Variants in SAGE1 observed in about 807,000 individuals in gnomAD.
SAGE1 encodes the protein cancer/testis antigen 14.
A neutral mutation model predicts 55.4 loss-of-function variants in SAGE1; 55 were observed. The observed-to-expected ratio is 0.99, with a 90% CI of 0.80 to 1.24. SAGE1 has a LOEUF of 1.24. Among genes scored for constraint, SAGE1 ranks in the 50% most tolerant of loss-of-function variants. SAGE1 has a pLI of 0.00. For synonymous variants in SAGE1, 240 were observed against 244.3 expected (o/e 0.98, Z 0.17); for missense variants, 710 against 704.4 (o/e 1.01, Z -0.09).
At chrX:135,896,174 A>G (rs1427785801) in intron 1 of SAGE1, 69 bp from the exon 2 acceptor site, 105 of 756,124 alleles carry the variant, frequency 1.4e-4, no homozygotes, top group Non-Finnish European at 2.0e-4. Context: ...TTTATGTGCC[A>G]GTTACGTTCC....
At chrX:135,906,309 C>A in intron 6 of SAGE1, 102 bp from the exon 7 acceptor site, 1 of 1,093,111 alleles carries the variant, frequency 9.1e-7, no homozygotes, top group East Asian at 3.0e-5. Flanking sequence ...TATCCTACTG[C>A]TTTATGAAAT....
chrX:135,894,448 A>C (rs782301437), intron 1 of SAGE1, among the ~76,000 whole-genome samples: 25 of 112,349 alleles, frequency 2.2e-4, no homozygotes, highest in Middle Eastern at 4.6e-3. Context: ...TGTTGGCGTA[A>C]AGTTGTTCAT....
At chrX:135,903,638 A>G (rs1556598269) in intron 3 of SAGE1, among the ~76,000 whole-genome samples, 1 of 112,501 alleles carries the variant, frequency 8.9e-6, no homozygotes, top group African/African-American at 3.2e-5. Context: ...GTTCAACTCC[A>G]ATAGCCACGT....
At chrX:135,903,807 A>C (rs1396290309) in intron 3 of SAGE1, among the ~76,000 whole-genome samples, 1 of 111,252 alleles carries the variant, frequency 9.0e-6, no homozygotes, top group Non-Finnish European at 1.9e-5. Flanking sequence ...CAGCAAGATG[A>C]TACAAAATGA....
At chrX:135,898,937 GTAGGCTGTC>G (rs2088628783) in intron 2 of SAGE1, among the ~76,000 whole-genome samples, 1 of 112,053 alleles carries the variant, frequency 8.9e-6, no homozygotes, top group Non-Finnish European at 1.9e-5. Context: ...CTCCCATTCT[GTAGGCTGTC>G]TATTCACTCT....
At chrX:135,905,660 T>C (rs5975630) in intron 5 of SAGE1, among the ~76,000 whole-genome samples, 23,776 of 110,387 alleles carry the variant, frequency 0.22, 2,030 homozygotes, top group Non-Finnish European at 0.26. Flanking sequence ...GTTACTCACA[T>C]TATCTGTGAA....
chrX:135,898,223 G>A (rs2088617271), intron 2 of SAGE1, among the ~76,000 whole-genome samples: 1 of 110,470 alleles, frequency 9.1e-6, no homozygotes, highest in Admixed American at 9.6e-5. Context: ...GTTTCACCGT[G>A]TTAGCCAGGA....
chrX:135,908,478 T>C lies in SAGE1; in HGVS notation c.1302T>C (p.Tyr434=), dbSNP rs781912838. ...TCGACCTCTTTATTTGGTTTCTAGA[T>C]GCTACCGTCAATCACCATGTCCATG... is the stretch of plus-strand genomic sequence containing the variant. ...GIPPMSTRDQ[Y]ATVNHHVHEA... is the part of the protein sequence containing the mutation. The change falls in exon 12 of 20, where the codon TAT becomes TAC. Residue 434 remains tyrosine (Y), a splice_region_variant and synonymous_variant. Transcript: ENST00000370709. The C allele has an allele frequency of 7.5e-6, 9 of 1,200,522 alleles. No homozygotes were observed. The highest frequency in any genetic ancestry group is 1.0e-5 in the Non-Finnish European group (9 of 891,346).
chrX:135,910,654 G>A (rs965978965), intron 16 of SAGE1, 99 bp downstream of exon 16: 1 of 828,442 alleles, frequency 1.2e-6, no homozygotes, highest in Non-Finnish European at 1.8e-6. Context: ...TTCTTTCCTA[G>A]CCTCAGTTTG....
At chrX:135,904,608 A>AG (rs202101349) in intron 4 of SAGE1, 39 bp downstream of exon 4, 495 of 871,442 alleles carry the variant, frequency 5.7e-4, no homozygotes, top group Non-Finnish European at 6.8e-4. Context: ...CATGAGTATG[A>AG]AATTCATCCA....
intron 19 of SAGE1, 55 bp from the exon 20 acceptor site, chrX:135,912,743 A>G: frequency 2.5e-6 from 3 of 1,184,189 alleles, no homozygotes; most frequent in Non-Finnish European, 3.4e-6. Context: ...TACCTCTTAC[A>G]TCTCATAGAT....
At chrX:135,904,663 G>A in intron 4 of SAGE1, 94 bp downstream of exon 4, 1 of 543,409 alleles carries the variant, frequency 1.8e-6, no homozygotes, top group African/African-American at 2.3e-5. Context: ...TCCATAAGCA[G>A]GCATATTTTC....
In SAGE1 at chrX:135,909,751, T is replaced by C. The variant is rs1556604978; in HGVS notation, c.1695T>C (p.Gly565=). The C allele has an allele frequency of 1.7e-6, 2 of 1,205,857 alleles. No homozygotes were observed. Among genetic ancestry groups the C allele is most frequent in the Admixed American group, 4.4e-5 (2 of 45,563 alleles). ...LPGLTYLTVA[G]IPAMSTRDQY... is the part of the protein sequence containing the mutation. The stretch of plus-strand genomic sequence containing the variant: ...GACTTACTTATTTGACAGTAGCTGG[T>C]ATTCCGGCCATGAGTACCAGGGATC... Residue 565 remains glycine (G), a synonymous_variant, in exon 14 of 20, where the codon GGT becomes GGC. Transcript: ENST00000370709.
At chrX:135,896,761 T>G (rs782032815) in intron 2 of SAGE1, among the ~76,000 whole-genome samples, 1 of 110,219 alleles carries the variant, frequency 9.1e-6, no homozygotes, top group East Asian at 2.8e-4. Flanking sequence ...GGTTTCTCCA[T>G]TTTGGACAGG....
At chrX:135,902,340 G>A (rs1316819150) in intron 3 of SAGE1, among the ~76,000 whole-genome samples, 1 of 111,685 alleles carries the variant, frequency 9.0e-6, no homozygotes, top group Non-Finnish European at 1.9e-5. Context: ...GACTACACTC[G>A]CGGTATCTTT....
In SAGE1 at chrX:135,911,607, G is replaced by A. The variant is rs1569521768; in HGVS notation, c.2175G>A (p.Glu725=). 1.7e-6 allele frequency: 2 copies of A among 1,205,523 alleles called. No homozygotes were observed. The highest frequency in any genetic ancestry group is 2.2e-5 in the Admixed American group (1 of 45,828). The stretch of plus-strand genomic sequence containing the variant: ...CTACTGTCATTCACGATATCCAGGA[G>A]GAGGAGATGGAAAATGATCAAACCC... ...LYATVIHDIQ[E]EEMENDQTPP... Residue 725 remains glutamate, a synonymous_variant, in exon 18 of 20, where the codon GAG becomes GAA. Transcript: ENST00000370709.
At chrX:135,894,025 T>C (rs2088543351) in intron 1 of SAGE1, among the ~76,000 whole-genome samples, 1 of 112,121 alleles carries the variant, frequency 8.9e-6, no homozygotes, top group African/African-American at 3.2e-5. Context: ...CATGCTATAG[T>C]CCTAAGTCGA....
chrX:135,908,022 G>A (rs1399595189), intron 10 of SAGE1, 67 bp from the exon 11 acceptor site: 3 of 1,134,661 alleles, frequency 2.6e-6, no homozygotes, highest in Non-Finnish European at 3.6e-6. Flanking sequence ...AGCATCAGAG[G>A]GGGTATTCCT....
chrX:135,905,458 G>A (rs1272850502), intron 5 of SAGE1, 66 bp downstream of exon 5: 2 of 1,065,582 alleles, frequency 1.9e-6, no homozygotes, highest in East Asian at 3.1e-5. Flanking sequence ...TTCATGAAAG[G>A]TAGAAGTCAC....
Sources: gnomAD v4.1 joint callset for allele counts (sites outside exome capture counted in the v4.1 genomes callset) on GRCh38, gnomAD v4.1.1 for gene constraint, MANE v1.5 for transcripts, NCBI Gene and HGNC (gene_info 2026-07-23, HGNC 2026-07-21) for gene names.